SYT1: variants seen among roughly 807,000 people sequenced by gnomAD.
SYT1 encodes the protein synaptotagmin 1.
A neutral mutation model predicts 44.8 loss-of-function variants in SYT1; 8 were observed. That is an observed-to-expected ratio of 0.18 (90% CI 0.10 to 0.32). The LOEUF (loss-of-function observed/expected upper bound fraction) is 0.32. Among genes scored for constraint, SYT1 ranks in the 10% least tolerant of loss-of-function variants. SYT1 has a pLI of 1.00. For synonymous variants in SYT1, 154 were observed against 188.8 expected (o/e 0.82, Z 1.51); for missense variants, 286 against 509.3 (o/e 0.56, Z 4.22).
At chr12:78,997,940 G>T (rs1057125751) in intron 2 of SYT1, among the ~76,000 whole-genome samples, 1 of 152,072 alleles carries the variant, frequency 6.6e-6, no homozygotes, top group Non-Finnish European at 1.5e-5. Flanking sequence ...CTTTACAAAA[G>T]CTCTGACCCT....
At position 79,031,275 on chromosome 12, in the gene SYT1, A is replaced by C. The variant is rs566137648; in HGVS notation, c.-83-16022A>C. ...GAACATTTTCCTTAGTATATTAAAT[A>C]AACGTAAATTTTATTTTATGCCTTC... On this transcript the variant is annotated intron_variant, in intron 2 of 10. Transcript: ENST00000261205. Among the ~76,000 whole-genome samples the C allele has an allele frequency of 1.8e-3, 273 of 151,162 alleles. 2 individuals carry two copies. Among genetic ancestry groups the C allele is most frequent in the African/African-American group, 6.4e-3 (265 of 41,440 alleles).
chr12:78,935,614 A>G (rs1878008255), intron 1 of SYT1, among the ~76,000 whole-genome samples: 1 of 152,114 alleles, frequency 6.6e-6, no homozygotes, highest in Admixed American at 6.6e-5. Flanking sequence ...TATGCTGAGA[A>G]CTAAGAAAAA....
chr12:79,323,864 T>G (rs1164658933), intron 8 of SYT1, among the ~76,000 whole-genome samples: 1 of 150,944 alleles, frequency 6.6e-6, no homozygotes, highest in Non-Finnish European at 1.5e-5. Context: ...AATATTTGCA[T>G]ATGTATAAAA....
chr12:79,073,798 ACT>A (rs1192124624), intron 3 of SYT1, among the ~76,000 whole-genome samples: 14 of 151,922 alleles, frequency 9.2e-5, no homozygotes, highest in African/African-American at 3.4e-4. Flanking sequence ...TGTCTACCTG[ACT>A]CTCTTTTTCT....
intron 1 of SYT1, among the ~76,000 whole-genome samples, chr12:78,971,950 A>G (rs1252075994): frequency 6.6e-6 from 1 of 152,176 alleles, no homozygotes; most frequent in Non-Finnish European, 1.5e-5. Context: ...ATAATTTTAC[A>G]AAATATTTCA....
At chr12:79,419,934 T>C (rs974129763) in intron 9 of SYT1, among the ~76,000 whole-genome samples, 1 of 152,178 alleles carries the variant, frequency 6.6e-6, no homozygotes, top group Non-Finnish European at 1.5e-5. Flanking sequence ...TCAAGCTTTA[T>C]ATAAATTGTA....
chr12:79,253,902 T>G (rs1877370599), intron 4 of SYT1, among the ~76,000 whole-genome samples: 1 of 152,188 alleles, frequency 6.6e-6, no homozygotes, highest in African/African-American at 2.4e-5. Context: ...AGCAAGATCC[T>G]AACTCTCTTC....
intron 1 of SYT1, among the ~76,000 whole-genome samples, chr12:78,897,943 T>A (rs1875453202): frequency 1.3e-5 from 2 of 151,858 alleles, no homozygotes; most frequent in South Asian, 4.1e-4. Context: ...AGAGCTTGGG[T>A]TTAGGCAGCC....
intron 2 of SYT1, among the ~76,000 whole-genome samples, chr12:79,016,603 G>T (rs1871823761): frequency 6.6e-6 from 1 of 151,970 alleles, no homozygotes; most frequent in South Asian, 2.1e-4. Flanking sequence ...CATTTAAAGG[G>T]GAAAAACTCA....
At chr12:78,953,696 A>T in intron 1 of SYT1, among the ~76,000 whole-genome samples, 1 of 152,104 alleles carries the variant, frequency 6.6e-6, no homozygotes, top group East Asian at 1.9e-4. Flanking sequence ...TTACTTAGCC[A>T]AAAGAAAAAC....
At chr12:79,420,085 G>T (rs1299455885) in intron 9 of SYT1, among the ~76,000 whole-genome samples, 1 of 152,072 alleles carries the variant, frequency 6.6e-6, no homozygotes, top group Non-Finnish European at 1.5e-5. Flanking sequence ...ATGGATTTTT[G>T]AATTGTTTCT....
At chr12:79,027,258 A>C (rs1160669799) in intron 2 of SYT1, among the ~76,000 whole-genome samples, 2 of 151,312 alleles carry the variant, frequency 1.3e-5, no homozygotes, top group African/African-American at 2.4e-5. Context: ...CTGACCGCCT[A>C]CTTTAAATAG....
At chr12:79,344,031 A>G (rs1427320638) in intron 8 of SYT1, among the ~76,000 whole-genome samples, 2 of 152,246 alleles carry the variant, frequency 1.3e-5, no homozygotes, top group Non-Finnish European at 2.9e-5. Context: ...GCTCTAATAA[A>G]GTAAAATCAT....
chr12:79,020,394 C>G (rs1872110717), intron 2 of SYT1, among the ~76,000 whole-genome samples: 1 of 151,774 alleles, frequency 6.6e-6, no homozygotes, highest in Admixed American at 6.6e-5. Context: ...GGACATTTCC[C>G]TGGCAGAATA....
chr12:78,896,472 A>G (rs1156376645), intron 1 of SYT1, among the ~76,000 whole-genome samples: 3 of 151,834 alleles, frequency 2.0e-5, no homozygotes, highest in Non-Finnish European at 4.4e-5. Context: ...TTGGGAAAAA[A>G]AATTTATCTC....
At chr12:79,056,320 G>A (rs1874939982) in intron 3 of SYT1, among the ~76,000 whole-genome samples, 1 of 152,042 alleles carries the variant, frequency 6.6e-6, no homozygotes, top group South Asian at 2.1e-4. Context: ...TGATAGAGTA[G>A]GATGCAGGCT....
At chr12:79,094,528 A>T (rs1810265541) in intron 3 of SYT1, among the ~76,000 whole-genome samples, 1 of 151,908 alleles carries the variant, frequency 6.6e-6, no homozygotes, top group South Asian at 2.1e-4. Context: ...CACAAACAAA[A>T]ATATTATAGT....
Position 78,931,431 on chromosome 12 carries a change from G to GGAAGGAAA in SYT1, c.-216-46365_-216-46364insGGAAAGAA, listed in dbSNP as rs1264633792. ...AGGAAGGAAGGAAGGAAGGAAGGAA[G>GGAAGGAAA]GAAAAGAAAGAAATAGAGAGAGAGA... On this transcript the variant is annotated intron_variant, in intron 1 of 10. Transcript: ENST00000261205. 2.4e-4 allele frequency among the ~76,000 whole-genome samples: 32 copies of GGAAGGAAA among 130,712 alleles called. 4 individuals carry two copies. The highest frequency in any genetic ancestry group is 8.4e-4 in the African/African-American group (28 of 33,138). 85.8% of individuals were successfully genotyped at this position (130,712 alleles called of 152,430 possible).
intron 3 of SYT1, among the ~76,000 whole-genome samples, chr12:79,160,341 A>T (rs1870871951): frequency 1.3e-5 from 2 of 152,144 alleles, no homozygotes; most frequent in South Asian, 4.1e-4. Context: ...AGAAAAGAAG[A>T]TAGAACTAGA....
Sources: gnomAD v4.1 joint callset for allele counts (sites outside exome capture counted in the v4.1 genomes callset) on GRCh38, gnomAD v4.1.1 for gene constraint, MANE v1.5 for transcripts, NCBI Gene and HGNC (gene_info 2026-07-23, HGNC 2026-07-21) for gene names.